Variants in SMIM35 observed in about 807,000 individuals in gnomAD.
SMIM35 encodes the protein TMPRSS4 antisense RNA 1 (non-protein coding).
chr11:118,008,116 C>T (rs746196263), intron 4 of SMIM35, among the ~76,000 whole-genome samples: 3 of 152,016 alleles, frequency 2.0e-5, no homozygotes, highest in South Asian at 2.1e-4. Flanking sequence ...GTGATCCACC[C>T]GCCTTGGCTT....
chr11:118,056,222 C>T (rs1944306933), intron 1 of SMIM35, among the ~76,000 whole-genome samples: 2 of 152,136 alleles, frequency 1.3e-5, no homozygotes, highest in South Asian at 2.1e-4. Flanking sequence ...CTGGGAGTAG[C>T]GAGCCCAGGC....
At chr11:118,014,817 T>G (rs2058170624) in intron 2 of SMIM35, 76 bp from the exon 3 acceptor site, 2 of 398,328 alleles carry the variant, frequency 5.0e-6, no homozygotes, top group Admixed American at 4.4e-5. Flanking sequence ...GAACGTCTGG[T>G]GCTCCCTCAC....
intron 1 of SMIM35, among the ~76,000 whole-genome samples, chr11:118,027,642 G>T (rs2058285324): frequency 6.6e-6 from 1 of 152,200 alleles, no homozygotes; most frequent in African/African-American, 2.4e-5. Context: ...CTTTATGTTA[G>T]CAGTTAGATA....
intron 1 of SMIM35, among the ~76,000 whole-genome samples, chr11:118,016,525 G>A (rs73011705): frequency 0.096 from 14,557 of 152,162 alleles, 970 homozygotes; most frequent in East Asian, 0.37. Context: ...CCTGCCCGAT[G>A]AGGTACCAGG....
chr11:118,025,817 T>C, intron 1 of SMIM35: 1 of 447,898 alleles, frequency 2.2e-6, no homozygotes, highest in South Asian at 1.6e-5. Flanking sequence ...TTTGTCAGTT[T>C]TTATTTTTGT....
chr11:118,055,445 C>G (rs1944295396), intron 1 of SMIM35, among the ~76,000 whole-genome samples: 1 of 152,200 alleles, frequency 6.6e-6, no homozygotes, highest in South Asian at 2.1e-4. Context: ...CCACCCCGGC[C>G]CTGCCACCTC....
chr11:118,037,729 T>A (rs922046013), intron 1 of SMIM35, among the ~76,000 whole-genome samples: 1 of 152,168 alleles, frequency 6.6e-6, no homozygotes, highest in African/African-American at 2.4e-5. Flanking sequence ...CTTGAGATAG[T>A]TTGTGGTAGA....
intron 1 of SMIM35, among the ~76,000 whole-genome samples, chr11:118,047,755 T>A (rs145583079): frequency 6.6e-6 from 1 of 152,346 alleles, no homozygotes; most frequent in Non-Finnish European, 1.5e-5. Context: ...CCACTCACCT[T>A]GGGGGCAGTC....
chr11:118,017,024 G>A (rs1032455851), intron 1 of SMIM35, among the ~76,000 whole-genome samples: 1 of 152,160 alleles, frequency 6.6e-6, no homozygotes, highest in Non-Finnish European at 1.5e-5. Flanking sequence ...GCCAAATGCA[G>A]AGGGAAGGGG....
intron 1 of SMIM35, among the ~76,000 whole-genome samples, chr11:118,018,771 C>G (rs2058203268): frequency 6.6e-6 from 1 of 152,208 alleles, no homozygotes; most frequent in Admixed American, 6.5e-5. Context: ...TGCCTTCTGA[C>G]TTAGGCAGGT....
chr11:118,032,680 G>T (rs954112864), intron 1 of SMIM35, among the ~76,000 whole-genome samples: 2 of 152,120 alleles, frequency 1.3e-5, no homozygotes, highest in Non-Finnish European at 2.9e-5. Flanking sequence ...GCCGAGATGT[G>T]GGGATCACTT....
In SMIM35 at chr11:118,015,673, A is replaced by G. The variant is rs1375388059; in HGVS notation, c.124+20T>C. On this transcript the variant is annotated intron_variant, in intron 2 of 4. Coordinates refer to ENST00000689828, the MANE Select transcript of SMIM35 (RefSeq NM_001394165.1). ...AGGAGCTGCGCAGAACCGGGGCTACAGGGCCCAGTGCACACTCACCCTCCC... is the reference window on the plus strand; with the variant it reads ...AGGAGCTGCGCAGAACCGGGGCTACGGGGCCCAGTGCACACTCACCCTCCC... 2 of 399,104 alleles carry G rather than the reference A, an allele frequency of 5.0e-6. No individual in the cohort carries two copies. The highest frequency in any genetic ancestry group is 8.8e-6 in the Non-Finnish European group (2 of 226,182). The allele number at this position is 399,104 out of a possible 1,614,324, so 24.7% of individuals were successfully genotyped here.
At chr11:118,055,624 C>T (rs192368506) in intron 1 of SMIM35, among the ~76,000 whole-genome samples, 2 of 152,282 alleles carry the variant, frequency 1.3e-5, no homozygotes, top group South Asian at 2.1e-4. Flanking sequence ...GACTCTGAGT[C>T]GGAGACTCTA....
At chr11:118,081,888 G>C (rs996280856) in intron 1 of SMIM35, among the ~76,000 whole-genome samples, 1 of 152,174 alleles carries the variant, frequency 6.6e-6, no homozygotes, top group East Asian at 1.9e-4. Flanking sequence ...GATGGAACAG[G>C]AGCAGGGGAG....
At chr11:118,038,199 C>T (rs1943940045) in intron 1 of SMIM35, among the ~76,000 whole-genome samples, 2 of 152,198 alleles carry the variant, frequency 1.3e-5, no homozygotes, top group South Asian at 4.1e-4. Context: ...GCCGAGGGGG[C>T]AGGCTTCGGG....
chr11:118,016,003 T>G (rs188885040), intron 1 of SMIM35, among the ~76,000 whole-genome samples, 194 bp from the exon 2 acceptor site: 1 of 152,358 alleles, frequency 6.6e-6, no homozygotes, highest in Non-Finnish European at 1.5e-5. Context: ...AGAGTGAGCC[T>G]ATCGGTATTT....
chr11:118,047,747 A>T (rs557445864), intron 1 of SMIM35, among the ~76,000 whole-genome samples: 2 of 152,170 alleles, frequency 1.3e-5, no homozygotes, highest in Middle Eastern at 3.2e-3. Flanking sequence ...AGCTATGGCC[A>T]CTCACCTTGG....
chr11:118,014,621 G>A, intron 3 of SMIM35, 87 bp downstream of exon 3: 1 of 398,630 alleles, frequency 2.5e-6, no homozygotes, highest in African/African-American at 2.1e-5. Context: ...AAGGGAACCA[G>A]TCAGTTCTTA....
At position 118,030,040 on chromosome 11, in the gene SMIM35, C is replaced by CTT. The variant is rs112285800; in HGVS notation, c.8-14233_8-14232dup. 2.1e-4 allele frequency among the ~76,000 whole-genome samples: 31 copies of CTT among 147,002 alleles called. 2 individuals are homozygous for CTT. Among genetic ancestry groups the CTT allele is most frequent in the African/African-American group, 6.9e-4 (28 of 40,340 alleles). ...TTGGGGAATGGGCAGGGGGATATAA[C>CTT]TTTTTTTTTTTTGAGACAATGTCTC... On this transcript the variant is annotated intron_variant, in intron 1 of 4. Coordinates refer to ENST00000689828, the MANE Select transcript of SMIM35 (RefSeq NM_001394165.1).
Sources: allele counts gnomAD v4.1 joint callset (sites outside exome capture counted in the v4.1 genomes callset), GRCh38; gene constraint gnomAD v4.1.1; transcripts MANE v1.5; gene names NCBI Gene and HGNC (gene_info 2026-07-23, HGNC 2026-07-21).